The following TMEM145 variants were observed in gnomAD, a reference collection of about 807,000 sequenced individuals.
TMEM145 encodes the protein transmembrane protein 145.
In TMEM145, 46 loss-of-function variants were observed where a neutral mutation model predicts 68.5. That is an observed-to-expected ratio of 0.67 (90% CI 0.53 to 0.86). TMEM145 has a LOEUF of 0.86. TMEM145 is among the 40% of genes least tolerant of loss of function. TMEM145 has a pLI of 0.00. For missense variants in TMEM145, 570 were observed against 645.8 expected, an observed-to-expected ratio of 0.88 and a Z score of 1.27; for synonymous variants, 255 against 280.2, an observed-to-expected ratio of 0.91 and a Z score of 0.90.
chr19:42,323,093 C>T (rs2038926643), intron 13 of TMEM145, among the ~76,000 whole-genome samples: 1 of 152,212 alleles, frequency 6.6e-6, no homozygotes, highest in African/African-American at 2.4e-5. Context: ...GTTCCTGCCT[C>T]ATCGAGACAT....
chr19:42,321,128 C>A, intron 13 of TMEM145: 1 of 398,968 alleles, frequency 2.5e-6, no homozygotes, highest in East Asian at 3.6e-5. Context: ...TGCCCAAATT[C>A]TGCCATCACA....
rs762210414 is a variant in TMEM145, at chr19:42,315,282, G to T, written c.577+23G>T. ...GATGTGAGTCTGGCACATGGGGTGT[G>T]GGGGAAGAGATAGGAGGGAGCAGGG... is the stretch of plus-strand genomic sequence containing the variant. On this transcript the variant is annotated intron_variant, in intron 7 of 14. Coordinates refer to ENST00000301204, the MANE Select transcript of TMEM145 (RefSeq NM_173633.3). 5 of 1,612,600 alleles carry T rather than the reference G, an allele frequency of 3.1e-6. No homozygotes were observed. In the South Asian group the frequency reaches 3.3e-5, roughly 11 times the overall value.
At chr19:42,319,601 C>G (rs1215313161) in intron 12 of TMEM145, among the ~76,000 whole-genome samples, 2 of 151,974 alleles carry the variant, frequency 1.3e-5, no homozygotes, top group African/African-American at 4.8e-5. Context: ...CGCATGCCAC[C>G]ACACCCTGCT....
intron 10 of TMEM145, 36 bp downstream of exon 10, chr19:42,316,776 G>C (rs768028391): frequency 2.7e-5 from 43 of 1,611,412 alleles, no homozygotes; most frequent in Non-Finnish European, 3.3e-5. Flanking sequence ...GGCGGCTGGT[G>C]GGGGAGCAGG....
chr19:42,313,337 G>C lies in TMEM145; in HGVS notation c.-40G>C. 1.2e-6 allele frequency: 1 copy of C among 854,670 alleles called. No individual in the cohort carries two copies. Among genetic ancestry groups the C allele is most frequent in the Non-Finnish European group, 1.6e-6 (1 of 643,496 alleles). 52.9% of individuals were successfully genotyped at this position (854,670 alleles called of 1,614,324 possible). A position where few individuals can be genotyped will look rare whatever the true frequency, so the allele number is the denominator to read the frequency against. ...CGCTCTCGCCTCCATTGCCGGGCCA[G>C]TGCGGGAGCCGGAGCGGAGCCGGGG... is the stretch of plus-strand genomic sequence containing the variant. On this transcript the variant is annotated 5_prime_UTR_variant, in exon 1 of 15. Transcript: ENST00000301204. This position sits in a 1 kb window ranked among gnomAD's most constrained non-coding sequence, Gnocchi z 5.1.
chr19:42,314,551 A>AG (rs1368004611), intron 3 of TMEM145, 23 bp downstream of exon 3: 5 of 1,614,092 alleles, frequency 3.1e-6, no homozygotes, highest in Non-Finnish European at 3.4e-6. Flanking sequence ...AAGAGGGCAT[A>AG]GGGGGAGAGG....
rs778256602 is a variant in TMEM145, at chr19:42,314,306, C to T, written c.155C>T (p.Ser52Leu). The T allele has an allele frequency of 6.2e-7, 1 of 1,613,876 alleles. No homozygotes were observed. The highest frequency in any genetic ancestry group is 1.3e-5 in the African/African-American group (1 of 74,826). ...WVFLTRFCFL[S>L]DYGRLDFRFR... ...TTCCTGACAAGATTTTGTTTCCTCTCGGATTACGGCCGACTGGACTTCCGT... is the reference window on the plus strand; with the variant it reads ...TTCCTGACAAGATTTTGTTTCCTCTTGGATTACGGCCGACTGGACTTCCGT... Residue 52 changes from serine (S) to leucine (L), a missense_variant, in exon 2 of 15, where the codon TCG becomes TTG. Physicochemically the swap from Ser to Leu is moderately radical, Grantham distance 145. Coordinates refer to ENST00000301204, the MANE Select transcript of TMEM145 (RefSeq NM_173633.3).
rs746766012 is a variant in TMEM145, at chr19:42,314,317, C to G, written c.166C>G (p.Arg56Gly). 2.5e-6 allele frequency: 4 copies of G among 1,614,016 alleles called. No individual in the cohort carries two copies. Among genetic ancestry groups the G allele is most frequent in the Non-Finnish European group, 3.4e-6 (4 of 1,180,002 alleles). Residue 56 changes from arginine to glycine, a missense_variant, in exon 2 of 15, where the codon CGA becomes GGA. By Grantham distance (125) the Arg-to-Gly change is moderately radical. Coordinates refer to ENST00000301204, the MANE Select transcript of TMEM145 (RefSeq NM_173633.3). ...TRFCFLSDYGRLDFRFRYPEA... is the reference protein window; with the variant it reads ...TRFCFLSDYGGLDFRFRYPEA... ...ATTTTGTTTCCTCTCGGATTACGGC[C>G]GACTGGACTTCCGTTTCCGCTACCC...
At chr19:42,324,351 A>G in intron 14 of TMEM145, 2 of 984,490 alleles carry the variant, frequency 2.0e-6, no homozygotes, top group Non-Finnish European at 2.4e-6. Context: ...ACCATGGCCG[A>G]GCCGGGCGCA....
chr19:42,323,157 C>T (rs999652965), intron 13 of TMEM145, among the ~76,000 whole-genome samples: 3 of 152,182 alleles, frequency 2.0e-5, no homozygotes, highest in Non-Finnish European at 4.4e-5. Context: ...ATGAAAATAT[C>T]CTATTACCTG....
intron 8 of TMEM145, among the ~76,000 whole-genome samples, chr19:42,316,207 G>A (rs2038855162): frequency 7.1e-6 from 1 of 140,700 alleles, no homozygotes; most frequent in Non-Finnish European, 1.6e-5. Context: ...GGAGGAGGGG[G>A]TGGGGGCCTG....
At chr19:42,324,028 C>A (rs1240107689) in intron 14 of TMEM145, among the ~76,000 whole-genome samples, 1 of 152,000 alleles carries the variant, frequency 6.6e-6, no homozygotes, top group Non-Finnish European at 1.5e-5. Context: ...GCCGTGCCCC[C>A]ACCGCCCGCC....
Position 42,314,702 on chromosome 19 carries a change from G to T in TMEM145, c.360+3G>T. 1 of 1,614,214 alleles carries T rather than the reference G, an allele frequency of 6.2e-7. No individual in the cohort carries two copies. The highest frequency in any genetic ancestry group is 8.5e-7 in the Non-Finnish European group (1 of 1,180,022). Reference sequence around the variant, plus strand: ...AGTATGCCTGGTCCGGCTGTCAGGTGCAGGCTCAGCCTGGGGGAGTGGGCA... The same window carrying T: ...AGTATGCCTGGTCCGGCTGTCAGGTTCAGGCTCAGCCTGGGGGAGTGGGCA... On this transcript the variant is annotated splice_donor_region_variant and intron_variant, in intron 4 of 14. Coordinates refer to ENST00000301204, the MANE Select transcript of TMEM145 (RefSeq NM_173633.3).
At position 42,314,815 on chromosome 19, in the gene TMEM145, C is replaced by T. The variant is rs143767670; in HGVS notation, c.384C>T (p.Arg128=). The change falls in exon 5 of 15, where the codon CGC becomes CGT. Residue 128 remains arginine (R), a synonymous_variant. Coordinates refer to ENST00000301204, the MANE Select transcript of TMEM145 (RefSeq NM_173633.3). ...GCQVVSEEGT[R]YLSCSSGRSF... is the part of the protein sequence containing the mutation. Reference sequence around the variant, plus strand: ...AGGTGGTATCAGAGGAGGGAACCCGCTACCTGAGCTGCTCCAGTGGCCGCA... The same window carrying T: ...AGGTGGTATCAGAGGAGGGAACCCGTTACCTGAGCTGCTCCAGTGGCCGCA... The T allele has an allele frequency of 1.9e-4, 313 of 1,614,108 alleles. No homozygotes were observed. The highest frequency in any genetic ancestry group is 2.6e-4 in the Non-Finnish European group (301 of 1,180,042).
In TMEM145 at chr19:42,320,215, C is replaced by A; in HGVS notation, c.1074-102C>A. 2.0e-6 allele frequency: 3 copies of A among 1,514,698 alleles called. 1 individual carries two copies. In the South Asian group the frequency reaches 3.6e-5, roughly 18 times the overall value. The allele number at this position is 1,514,698 out of a possible 1,614,324, so 93.8% of individuals were successfully genotyped here. On this transcript the variant is annotated intron_variant, in intron 12 of 14. Coordinates refer to ENST00000301204, the MANE Select transcript of TMEM145 (RefSeq NM_173633.3). The stretch of plus-strand genomic sequence containing the variant: ...ACACTGGCTTCCCTCCAGTTTGGGA[C>A]CTGCCTGGGGTCTGCGTGTGTACAT...
At chr19:42,324,241 G>A (rs1241389031) in intron 14 of TMEM145, 1 of 983,922 alleles carries the variant, frequency 1.0e-6, no homozygotes, top group African/African-American at 1.7e-5. Flanking sequence ...GCCCCCCGAG[G>A]GTCCCGGACG....
chr19:42,324,804 T>C lies in TMEM145; in HGVS notation c.1469T>C (p.Leu490Pro). 6.4e-7 allele frequency: 1 copy of C among 1,566,674 alleles called. No homozygotes were observed. The highest frequency in any genetic ancestry group is 1.2e-5 in the South Asian group (1 of 86,208). The change falls in exon 15 of 15, where the codon CTT becomes CCT. Residue 490 changes from leucine to proline, a missense_variant. Transcript: ENST00000301204. The stretch of plus-strand genomic sequence containing the variant: ...CGTGACCTCCGGCCCCCTGGCCCCC[T>C]TCGAGACCTCTGACCCCGCTGGACT... ...LFRDLRPPGPLRDL is the reference protein window; with the variant it reads ...LFRDLRPPGPPRDL
At chr19:42,320,168 C>T in intron 12 of TMEM145, 149 bp from the exon 13 acceptor site, 1 of 1,077,990 alleles carries the variant, frequency 9.3e-7, no homozygotes, top group South Asian at 1.4e-5. Context: ...TGCCCCATTT[C>T]AGTCTCTGGC....
At chr19:42,317,363 T>C (rs1363326991) in intron 11 of TMEM145, among the ~76,000 whole-genome samples, 2 of 152,240 alleles carry the variant, frequency 1.3e-5, no homozygotes, top group African/African-American at 2.4e-5. Flanking sequence ...TAAGGCTTTC[T>C]ATCGTCTGTA....
Sources: gnomAD v4.1 joint callset for allele counts (sites outside exome capture counted in the v4.1 genomes callset) on GRCh38, gnomAD v4.1.1 for gene constraint, Gnocchi (gnomAD v3.1) non-coding constraint, MANE v1.5 for transcripts, NCBI Gene and HGNC (gene_info 2026-07-23, HGNC 2026-07-21) for gene names.